R3HCC1: variants seen among roughly 807,000 people sequenced by gnomAD.
R3HCC1 encodes R3H domain and coiled-coil containing 1, also known as R3H and coiled-coil domain-containing protein 1.
In R3HCC1, 32 loss-of-function variants were observed where a neutral mutation model predicts 40.0. The ratio of observed to expected loss-of-function variants is 0.80; its 90% CI spans 0.60 to 1.07. R3HCC1 has a LOEUF of 1.07. Ranked by LOEUF, R3HCC1 falls within the 50% of genes least tolerant of loss-of-function variation. R3HCC1 has a pLI of 0.00. For missense variants in R3HCC1, 586 were observed against 563.3 expected (o/e 1.04, Z -0.41); for synonymous variants, 237 against 232.8 (o/e 1.02, Z -0.17).
At chr8:23,295,928 C>T in intron 7 of R3HCC1, 39 bp from the exon 8 acceptor site, 2 of 1,521,798 alleles carry the variant, frequency 1.3e-6, no homozygotes, top group Non-Finnish European at 1.8e-6. Context: ...GCAGCCACGA[C>T]CTTGTGTTTA....
intron 6 of R3HCC1, among the ~76,000 whole-genome samples, chr8:23,294,450 T>C (rs1027287842): frequency 2.6e-5 from 4 of 151,372 alleles, no homozygotes; most frequent in Non-Finnish European, 5.9e-5. Context: ...GGGGGAGAGG[T>C]TGTGTTTAGC....
intron 3 of R3HCC1, 27 bp downstream of exon 3, chr8:23,289,180 C>T (rs1802805728): frequency 6.5e-7 from 1 of 1,534,922 alleles, no homozygotes; most frequent in Non-Finnish European, 8.7e-7. Flanking sequence ...CTTGAAGTGC[C>T]TGCAGCGGTG....
chr8:23,293,289 C>A lies in R3HCC1; in HGVS notation c.1026-14C>A. ...TGCTTTCCTGAATGTGCTGTCTCCT[C>A]TCTCGCCGCACAGAGAGAAGGGGTT... On this transcript the variant is annotated splice_polypyrimidine_tract_variant and intron_variant, in intron 5 of 7. Transcript: ENST00000265806. The A allele has an allele frequency of 1.9e-6, 3 of 1,549,834 alleles. No individual in the cohort carries two copies. The highest frequency in any genetic ancestry group is 8.7e-7 in the Non-Finnish European group (1 of 1,145,626).
chr8:23,289,206 G>C (rs768021210), intron 3 of R3HCC1, 53 bp downstream of exon 3: 14 of 1,524,864 alleles, frequency 9.2e-6, no homozygotes, highest in African/African-American at 1.4e-5. Context: ...TGGGTGGCCA[G>C]CTAGCTGGTC....
In R3HCC1 at chr8:23,289,875, T is replaced by C; in HGVS notation, c.258T>C (p.Ser86=). ...CCCATTCCTGCTCCAGGGTACCCAG[T>C]TCGGATGGCCTCTCTGGCCCCTGCC... Residue 86 remains serine, a synonymous_variant, in exon 4 of 8, where the codon AGT becomes AGC. Transcript: ENST00000265806. 6.6e-7 allele frequency: 1 copy of C among 1,515,982 alleles called. No individual in the cohort carries two copies. Among genetic ancestry groups the C allele is most frequent in the South Asian group, 1.2e-5 (1 of 80,956 alleles). 93.9% of individuals were successfully genotyped at this position (1,515,982 alleles called of 1,614,324 possible). A position where few individuals can be genotyped will look rare whatever the true frequency, so the allele number is the denominator to read the frequency against.
At position 23,296,262 on chromosome 8, in the gene R3HCC1, C is replaced by CA; in HGVS notation, c.*166dup. The CA allele has an allele frequency of 6.0e-6, 5 of 836,212 alleles. No individual in the cohort carries two copies. The highest frequency in any genetic ancestry group is 8.8e-6 in the Non-Finnish European group (5 of 570,008). The allele number at this position is 836,212 out of a possible 1,614,324, so 51.8% of individuals were successfully genotyped here. A position where few individuals can be genotyped will look rare whatever the true frequency, so the allele number is the denominator to read the frequency against. On this transcript the variant is annotated 3_prime_UTR_variant, in exon 8 of 8. Transcript: ENST00000265806. ...CAGAAATGGAGAAAAAATAAAAACTCACGTTGTTCTAATGTGATCACTTTG... is the reference window on the plus strand; with the variant it reads ...CAGAAATGGAGAAAAAATAAAAACTCAACGTTGTTCTAATGTGATCACTTTG...
intron 3 of R3HCC1, 33 bp downstream of exon 3, chr8:23,289,186 C>T (rs1351576403): frequency 3.9e-6 from 6 of 1,532,890 alleles, no homozygotes; most frequent in East Asian, 2.5e-5. Context: ...GTGCCTGCAG[C>T]GGTGGTGTGT....
At position 23,288,446 on chromosome 8, in the gene R3HCC1, G is replaced by C. The variant is rs1802787530; in HGVS notation, c.-18-60G>C. On this transcript the variant is annotated intron_variant, in intron 1 of 7. Transcript: ENST00000265806. Reference sequence around the variant, plus strand: ...GGCCCTTTCGGTGCCGGCGTTGCGGGGTCGCGGGAGATCCGGGGGTCTGTG... The same window carrying C: ...GGCCCTTTCGGTGCCGGCGTTGCGGCGTCGCGGGAGATCCGGGGGTCTGTG... 2.0e-6 allele frequency: 3 copies of C among 1,522,896 alleles called. No individual in the cohort carries two copies. In the Admixed American group the frequency reaches 5.9e-5, roughly 30 times the overall value. The allele number at this position is 1,522,896 out of a possible 1,614,324, so 94.3% of individuals were successfully genotyped here. A position where few individuals can be genotyped will look rare whatever the true frequency, so the allele number is the denominator to read the frequency against.
rs1446814479 is a variant in R3HCC1 at position 23,289,032 on chromosome 8, C to G, written c.127C>G (p.Pro43Ala). 6.5e-7 allele frequency: 1 copy of G among 1,536,506 alleles called. No homozygotes were observed. Among genetic ancestry groups the G allele is most frequent in the Non-Finnish European group, 8.7e-7 (1 of 1,146,994 alleles). The change falls in exon 3 of 8, where the codon CCA becomes GCA. Residue 43 changes from proline to alanine, a missense_variant. Physicochemically the swap from Pro to Ala is conservative, Grantham distance 27. Coordinates refer to ENST00000265806, the MANE Select transcript of R3HCC1 (RefSeq NM_001136108.3). Reference sequence around the variant, plus strand: ...CCTCCCCAGGGTTCTTCTTTTCCCCCCACTCTCCAGTCGCCTCCGGTACCT... The same window carrying G: ...CCTCCCCAGGGTTCTTCTTTTCCCCGCACTCTCCAGTCGCCTCCGGTACCT...
intron 7 of R3HCC1, chr8:23,295,375 T>A (rs991881559): frequency 9.3e-6 from 4 of 432,364 alleles, no homozygotes; most frequent in South Asian, 3.3e-5. Flanking sequence ...AATGAGAGCC[T>A]GGCATACCTG....
chr8:23,290,410 G>A lies in R3HCC1; in HGVS notation c.793G>A (p.Val265Met), dbSNP rs1168957194. The change falls in exon 4 of 8, where the codon GTG (valine) becomes ATG (methionine). Residue 265 changes from valine to methionine, a missense_variant. Physicochemically the swap from Val to Met is conservative, Grantham distance 21. Coordinates refer to ENST00000265806, the MANE Select transcript of R3HCC1 (RefSeq NM_001136108.3). Reference sequence around the variant, plus strand: ...AGAGGAGGAAGAGGACGAAGAGGAGGTGGAAGAGGATGGCCCCAGCAGCTG... The same window carrying A: ...AGAGGAGGAAGAGGACGAAGAGGAGATGGAAGAGGATGGCCCCAGCAGCTG... 6.4e-7 allele frequency: 1 copy of A among 1,551,734 alleles called. No homozygotes were observed. Among genetic ancestry groups the A allele is most frequent in the Non-Finnish European group, 8.7e-7 (1 of 1,147,020 alleles).
chr8:23,291,998 G>A (rs1802877901), intron 5 of R3HCC1, among the ~76,000 whole-genome samples: 1 of 152,204 alleles, frequency 6.6e-6, no homozygotes, highest in Admixed American at 6.5e-5. Context: ...TGAGAGACAC[G>A]ACTTCCCTCC....
rs1803013821 is a variant in R3HCC1 at position 23,296,146 on chromosome 8, C to G, written c.*49C>G. ...GATCTGCGTCCCGACGTAGCTGGCG[C>G]CCCCAACACCATAAGCCTTCACAGA... On this transcript the variant is annotated 3_prime_UTR_variant, in exon 8 of 8. Coordinates refer to ENST00000265806, the MANE Select transcript of R3HCC1 (RefSeq NM_001136108.3). 1 of 1,522,518 alleles carries G rather than the reference C, an allele frequency of 6.6e-7. No homozygotes were observed. 94.3% of individuals were successfully genotyped at this position (1,522,518 alleles called of 1,614,324 possible).
chr8:23,289,511 G>T (rs1008993749), intron 3 of R3HCC1, among the ~76,000 whole-genome samples: 1 of 152,108 alleles, frequency 6.6e-6, no homozygotes, highest in African/African-American at 2.4e-5. Flanking sequence ...GTTCCCATGT[G>T]CGTCTCAGTG....
chr8:23,295,237 C>T (rs188145630), intron 7 of R3HCC1, among the ~76,000 whole-genome samples: 218 of 152,252 alleles, frequency 1.4e-3, no homozygotes, highest in Admixed American at 0.01. Flanking sequence ...CTTTGGGGTC[C>T]GCTCCGGGAC....
chr8:23,292,815 GGCCACACT>G (rs1802897082), intron 5 of R3HCC1, among the ~76,000 whole-genome samples: 1 of 152,286 alleles, frequency 6.6e-6, no homozygotes, highest in Non-Finnish European at 1.5e-5. Context: ...GCCCGGGTGG[GGCCACACT>G]GCCTTAGGCC....
At chr8:23,288,301 C>T (rs1168669016) in intron 1 of R3HCC1, 144 bp downstream of exon 1, 3 of 1,110,244 alleles carry the variant, frequency 2.7e-6, no homozygotes, top group Admixed American at 6.1e-5. Flanking sequence ...CAGCATCCGA[C>T]CGCAGGCGGG....
rs1036748277 is a variant in R3HCC1, at chr8:23,296,121, G to T, written c.*24G>T. 1.3e-6 allele frequency: 2 copies of T among 1,541,548 alleles called. No individual in the cohort carries two copies. The highest frequency in any genetic ancestry group is 2.8e-5 in the African/African-American group (2 of 72,536). Reference sequence around the variant, plus strand: ...GAGGCCTGGAGACCCAACTGGCCTGGATCTGCGTCCCGACGTAGCTGGCGC... The same window carrying T: ...GAGGCCTGGAGACCCAACTGGCCTGTATCTGCGTCCCGACGTAGCTGGCGC... On this transcript the variant is annotated 3_prime_UTR_variant, in exon 8 of 8. Coordinates refer to ENST00000265806, the MANE Select transcript of R3HCC1 (RefSeq NM_001136108.3).
In R3HCC1 at chr8:23,293,223, A is replaced by AGGGG. The variant is rs1045957232; in HGVS notation, c.1026-78_1026-75dup. ...TGGTGGCATCTGCGGGCTGGAGGCG[A>AGGGG]GGGGGTGTGGCTGCGGGATTCGAAG... On this transcript the variant is annotated intron_variant, in intron 5 of 7. Transcript: ENST00000265806. 28 of 1,189,190 alleles carry AGGGG rather than the reference A, an allele frequency of 2.4e-5. No homozygotes were observed. The Admixed American group carries it at 5.0e-4, about 21-fold the overall frequency. The allele number at this position is 1,189,190 out of a possible 1,614,324, so 73.7% of individuals were successfully genotyped here.
Sources: gnomAD v4.1 joint callset for allele counts (sites outside exome capture counted in the v4.1 genomes callset) on GRCh38, gnomAD v4.1.1 for gene constraint, MANE v1.5 for transcripts, NCBI Gene and HGNC (gene_info 2026-07-23, HGNC 2026-07-21) for gene names.